The following KIZ variants were observed in gnomAD, a reference collection of about 807,000 sequenced individuals.
The protein encoded by KIZ is kizuna centrosomal protein.
KIZ carries 68 observed loss-of-function variants against 79.6 expected under a neutral mutation model. The ratio of observed to expected loss-of-function variants is 0.85; its 90% CI spans 0.70 to 1.05. The LOEUF (loss-of-function observed/expected upper bound fraction) is 1.05. Ranked by LOEUF, KIZ falls within the 50% of genes least tolerant of loss-of-function variation. KIZ has a pLI of 0.00. For missense variants in KIZ, 797 were observed against 800.4 expected (o/e 1.00, Z 0.05); for synonymous variants, 280 against 281.8 (o/e 0.99, Z 0.06).
intron 1 of KIZ, among the ~76,000 whole-genome samples, chr20:21,130,616 A>T (rs2031782655): frequency 1.3e-5 from 2 of 151,824 alleles, no homozygotes; most frequent in East Asian, 1.9e-4. Context: ...TGTTTTTGTA[A>T]TTTTTTTCCT....
chr20:21,226,677 T>TC (rs1250765945), intron 9 of KIZ, among the ~76,000 whole-genome samples: 17 of 152,186 alleles, frequency 1.1e-4, no homozygotes, highest in Admixed American at 8.5e-4. Flanking sequence ...ATGCACTTCA[T>TC]CTTTGTACCT....
At chr20:21,163,765 T>A (rs887777665) in intron 6 of KIZ, among the ~76,000 whole-genome samples, 2 of 152,250 alleles carry the variant, frequency 1.3e-5, no homozygotes, top group Non-Finnish European at 2.9e-5. Context: ...GAACTTATAT[T>A]ATCCGACTGA....
chr20:21,234,648 G>T (rs554881626), intron 11 of KIZ, among the ~76,000 whole-genome samples: 1 of 151,804 alleles, frequency 6.6e-6, no homozygotes, highest in Non-Finnish European at 1.5e-5. Context: ...CTCGAAACCC[G>T]GTACTTGAGA....
At chr20:21,214,821 A>C (rs2036221391) in intron 8 of KIZ, 121 bp downstream of exon 8, 1 of 548,924 alleles carries the variant, frequency 1.8e-6, no homozygotes, top group South Asian at 3.3e-5. Flanking sequence ...AATATGCATA[A>C]TATAGTATTT....
chr20:21,188,676 T>TTTTATTTATTTATTTATTTATTTATTTA (rs149324316), intron 6 of KIZ, among the ~76,000 whole-genome samples: 1 of 141,834 alleles, frequency 7.1e-6, no homozygotes, highest in Non-Finnish European at 1.5e-5. Context: ...TTGCATTTTA[T>TTTTATTTATTTATTTATTTATTTATTTA]TTTATTTATT....
At chr20:21,223,226 G>A (rs764543946) in intron 9 of KIZ, among the ~76,000 whole-genome samples, 11 of 152,196 alleles carry the variant, frequency 7.2e-5, no homozygotes, top group Non-Finnish European at 1.5e-4. Flanking sequence ...CACCTCTCAC[G>A]ACTGAACAGT....
chr20:21,202,625 C>G (rs1255809533), intron 6 of KIZ, among the ~76,000 whole-genome samples: 2 of 152,118 alleles, frequency 1.3e-5, no homozygotes, highest in African/African-American at 2.4e-5. Flanking sequence ...TGAACTGTAC[C>G]TAGACTTACT....
At chr20:21,221,966 G>A (rs891019560) in intron 9 of KIZ, among the ~76,000 whole-genome samples, 5 of 152,126 alleles carry the variant, frequency 3.3e-5, no homozygotes, top group Non-Finnish European at 7.4e-5. Flanking sequence ...CATATTACCT[G>A]TTGTGCCTGG....
At chr20:21,216,450 A>G (rs1360854920) in intron 9 of KIZ, among the ~76,000 whole-genome samples, 3 of 152,218 alleles carry the variant, frequency 2.0e-5, no homozygotes, top group Non-Finnish European at 2.9e-5. Context: ...ATGGCAGTGC[A>G]GTTCCTGGCA....
At chr20:21,170,708 C>T (rs6035800) in intron 6 of KIZ, among the ~76,000 whole-genome samples, 87,717 of 151,970 alleles carry the variant, frequency 0.58, 26,990 homozygotes, top group South Asian at 0.78. Flanking sequence ...AGATCTTATT[C>T]GTTCTTTCTA....
At chr20:21,180,613 T>G (rs1296299705) in intron 6 of KIZ, among the ~76,000 whole-genome samples, 1 of 152,194 alleles carries the variant, frequency 6.6e-6, no homozygotes, top group Non-Finnish European at 1.5e-5. Flanking sequence ...GGAGCAGGCT[T>G]ACCCATGGTT....
At chr20:21,234,362 AC>A (rs200948340) in intron 11 of KIZ, among the ~76,000 whole-genome samples, 52 of 149,776 alleles carry the variant, frequency 3.5e-4, no homozygotes, top group Non-Finnish European at 3.4e-4. Flanking sequence ...AAAAAAAAAA[AC>A]CACACAAAAA....
chr20:21,230,272 C>T (rs755230121), intron 10 of KIZ, among the ~76,000 whole-genome samples: 15 of 152,160 alleles, frequency 9.9e-5, no homozygotes, highest in South Asian at 2.1e-4. Context: ...GCCAGGAGTG[C>T]GAGACCAGCC....
chr20:21,198,168 T>C (rs1470620315), intron 6 of KIZ: 1 of 152,462 alleles, frequency 6.6e-6, no homozygotes, highest in East Asian at 1.9e-4. Flanking sequence ...GTTCAGGCCA[T>C]TCTTCTGCCT....
chr20:21,208,766 C>T (rs1172245370), intron 7 of KIZ, among the ~76,000 whole-genome samples: 1 of 151,788 alleles, frequency 6.6e-6, no homozygotes, highest in South Asian at 2.1e-4. Context: ...TGAAGAAATG[C>T]ACAGCCCCAA....
chr20:21,130,542 T>C (rs2031778445), intron 1 of KIZ, among the ~76,000 whole-genome samples: 1 of 152,220 alleles, frequency 6.6e-6, no homozygotes, highest in African/African-American at 2.4e-5. Flanking sequence ...CCTTCACTTC[T>C]ATTCTAAGTT....
At chr20:21,173,403 C>A (rs886256094) in intron 6 of KIZ, among the ~76,000 whole-genome samples, 1 of 151,570 alleles carries the variant, frequency 6.6e-6, no homozygotes, top group African/African-American at 2.4e-5. Context: ...CATGGTGAAA[C>A]CCCATCTCTA....
At chr20:21,228,499 A>G (rs2036726770) in intron 9 of KIZ, among the ~76,000 whole-genome samples, 2 of 152,078 alleles carry the variant, frequency 1.3e-5, no homozygotes, top group African/African-American at 4.8e-5. Context: ...TCCCCATGGC[A>G]AGACTTGGTT....
chr20:21,222,156 T>G (rs958112226), intron 9 of KIZ, among the ~76,000 whole-genome samples: 1 of 152,248 alleles, frequency 6.6e-6, no homozygotes, highest in African/African-American at 2.4e-5. Context: ...TGCAGGGCAG[T>G]GCTGTTTATT....
Sources: allele counts gnomAD v4.1 joint callset (sites outside exome capture counted in the v4.1 genomes callset), GRCh38; gene constraint gnomAD v4.1.1; transcripts MANE v1.5; gene names NCBI Gene and HGNC (gene_info 2026-07-23, HGNC 2026-07-21).